Variants in PREPL observed in about 807,000 individuals in gnomAD.
PREPL encodes prolyl endopeptidase-like.
PREPL carries 77 observed loss-of-function variants against 70.6 expected under a neutral mutation model. The ratio of observed to expected loss-of-function variants is 1.09; its 90% CI spans 0.91 to 1.32. PREPL has a LOEUF of 1.32. PREPL is among the 40% of genes most tolerant of loss of function. The pLI, the probability that PREPL is intolerant of heterozygous loss-of-function variation, is 0.00. For missense variants in PREPL, 1,002 were observed against 778.2 expected, an observed-to-expected ratio of 1.29 and a Z score of -3.42; for synonymous variants, 315 against 264.8, an observed-to-expected ratio of 1.19 and a Z score of -1.84.
rs1673170089 is a variant in PREPL at position 44,323,339 on chromosome 2, A to T, written c.1552T>A (p.Trp518Arg). The change falls in exon 11 of 14, where the codon TGG becomes AGG. Residue 518 changes from tryptophan (W) to arginine (R), a missense_variant. Trp to Arg is a moderately radical substitution (Grantham distance 101, BLOSUM62 -3). Coordinates refer to ENST00000409411, the MANE Select transcript of PREPL (RefSeq NM_001171613.2). ...TTTTCATCAGATGAAGGATTCCCCC[A>T]TTCTTCTAATTCTTCTAATGTCAGA... ...LPLTLEELEE[W>R]GNPSSDEKHK... 1.9e-6 allele frequency: 3 copies of T among 1,599,190 alleles called. No homozygotes were observed. Among genetic ancestry groups the T allele is most frequent in the Non-Finnish European group, 1.7e-6 (2 of 1,166,784 alleles).
intron 5 of PREPL, among the ~76,000 whole-genome samples, chr2:44,341,877 G>C (rs929960022): frequency 6.6e-6 from 1 of 151,830 alleles, no homozygotes; most frequent in Admixed American, 6.6e-5. Flanking sequence ...ATACATTTTT[G>C]AGTTAGTTTT....
chr2:44,333,711 T>C (rs989820766), intron 7 of PREPL, among the ~76,000 whole-genome samples: 6 of 152,286 alleles, frequency 3.9e-5, no homozygotes, highest in African/African-American at 1.2e-4. Context: ...GCTTCTCACA[T>C]TGAGGGTTGT....
At chr2:44,351,369 A>C (rs1676416650) in intron 1 of PREPL, among the ~76,000 whole-genome samples, 1 of 152,142 alleles carries the variant, frequency 6.6e-6, no homozygotes, top group South Asian at 2.1e-4. Flanking sequence ...AAGGACTCCC[A>C]AATTTACAGC....
rs765953291 is a variant in PREPL, at chr2:44,339,338, T to G, written c.511A>C (p.Lys171Gln). The G allele has an allele frequency of 1.9e-6, 3 of 1,613,866 alleles. No homozygotes were observed. Among genetic ancestry groups the G allele is most frequent in the Non-Finnish European group, 2.5e-6 (3 of 1,179,960 alleles). ...TTTATGGTGAGGAAACGACTGTCTT[T>G]TGTAAGATAAAGGAAAACAAAGTAG... ...PSYFVFLYLT[K>Q]DSRFLTINIM... The change falls in exon 6 of 14, where the codon AAA becomes CAA. Residue 171 changes from lysine (K) to glutamine (Q), a missense_variant. Coordinates refer to ENST00000409411, the MANE Select transcript of PREPL (RefSeq NM_001171613.2).
In PREPL at chr2:44,317,887, C is replaced by T. The variant is rs1180480203; in HGVS notation, c.*3469G>A. 1 of 218,040 alleles carries T rather than the reference C, an allele frequency of 4.6e-6. No homozygotes were observed. Among genetic ancestry groups the T allele is most frequent in the African/African-American group, 2.4e-5 (1 of 41,870 alleles). 13.5% of individuals were successfully genotyped at this position (218,040 alleles called of 1,614,324 possible). On this transcript the variant is annotated 3_prime_UTR_variant, in exon 14 of 14. Coordinates refer to ENST00000409411, the MANE Select transcript of PREPL (RefSeq NM_001171613.2). ...ATTAGCCTATTAAAAGATAAAACCA[C>T]TCAGATAACAAAAACAGACATAAGA...
chr2:44,332,881 G>A (rs1292650995), intron 7 of PREPL, among the ~76,000 whole-genome samples: 1 of 152,078 alleles, frequency 6.6e-6, no homozygotes, highest in African/African-American at 2.4e-5. Flanking sequence ...ATAGGAAAAT[G>A]ATTTATCATG....
chr2:44,329,197 C>A (rs1407423882), intron 8 of PREPL, 85 bp from the exon 9 acceptor site: 1 of 1,117,516 alleles, frequency 8.9e-7, no homozygotes, highest in African/African-American at 1.6e-5. Flanking sequence ...TTGAGGTGCA[C>A]TGTCCCCACT....
chr2:44,343,672 T>A, intron 4 of PREPL, 73 bp downstream of exon 4: 2 of 1,401,616 alleles, frequency 1.4e-6, no homozygotes, highest in Non-Finnish European at 2.0e-6. Context: ...CTCCCTCACA[T>A]GCGACAAAAA....
chr2:44,336,828 T>C (rs936846609), intron 7 of PREPL, among the ~76,000 whole-genome samples: 14 of 152,182 alleles, frequency 9.2e-5, no homozygotes, highest in Non-Finnish European at 2.1e-4. Context: ...GACACTTACA[T>C]AGTGTTCTAA....
chr2:44,323,371 G>T lies in PREPL; in HGVS notation c.1520C>A (p.Thr507Lys), dbSNP rs773867044. Reference sequence around the variant, plus strand: ...TAATTCTTCTAATGTCAGAGGAAGTGTAGTGTCCATCATGGTGTTGAGAAC... The same window carrying T: ...TAATTCTTCTAATGTCAGAGGAAGTTTAGTGTCCATCATGGTGTTGAGAAC... ...LDVLNTMMDT[T>K]LPLTLEELEE... is the part of the protein sequence containing the mutation. The change falls in exon 11 of 14, where the codon ACA (threonine) becomes AAA (lysine). Residue 507 changes from threonine to lysine, a missense_variant. Coordinates refer to ENST00000409411, the MANE Select transcript of PREPL (RefSeq NM_001171613.2). 314 of 1,606,470 alleles carry T rather than the reference G, an allele frequency of 2.0e-4. 1 individual carries two copies. In the South Asian group the frequency reaches 2.3e-3, roughly 12 times the overall value.
chr2:44,344,722 A>G (rs1424754552), intron 2 of PREPL, 136 bp from the exon 3 acceptor site: 6 of 570,274 alleles, frequency 1.1e-5, no homozygotes, highest in Non-Finnish European at 1.8e-5. Context: ...ACACATATGA[A>G]ATATAAAATT....
At chr2:44,348,314 G>A (rs1337013393) in intron 1 of PREPL, among the ~76,000 whole-genome samples, 1 of 152,170 alleles carries the variant, frequency 6.6e-6, no homozygotes, top group Non-Finnish European at 1.5e-5. Context: ...GGTGAGACAT[G>A]ATATCTGTAT....
At chr2:44,359,067 CTTTTTTTTT>C (rs35700374) in intron 1 of PREPL, among the ~76,000 whole-genome samples, 2 of 94,494 alleles carry the variant, frequency 2.1e-5, no homozygotes, top group African/African-American at 4.1e-5. Flanking sequence ...TATGTATACA[CTTTTTTTTT>C]TTTTTTTTTT....
Position 44,319,028 on chromosome 2 carries a change from C to G in PREPL, c.*2328G>C, listed in dbSNP as rs1039227167. 1.3e-5 allele frequency: 2 copies of G among 152,184 alleles called. No individual in the cohort carries two copies. The highest frequency in any genetic ancestry group is 1.9e-4 in the East Asian group (1 of 5,204). 9.4% of individuals were successfully genotyped at this position (152,184 alleles called of 1,614,324 possible). Reference sequence around the variant, plus strand: ...TACCGGGCACTTCTTATGTGAGTGGCACTGAAACATGTGCTTTCATGCATT... The same window carrying G: ...TACCGGGCACTTCTTATGTGAGTGGGACTGAAACATGTGCTTTCATGCATT... On this transcript the variant is annotated 3_prime_UTR_variant, in exon 14 of 14. Transcript: ENST00000409411.
chr2:44,359,661 G>C (rs551860187), intron 1 of PREPL: 2 of 1,613,352 alleles, frequency 1.2e-6, no homozygotes, highest in South Asian at 2.2e-5. Context: ...CATTTTCCAA[G>C]GTGAGGAATA....
intron 6 of PREPL, 69 bp downstream of exon 6, chr2:44,339,078 G>C: frequency 6.3e-7 from 1 of 1,582,920 alleles, no homozygotes; most frequent in South Asian, 1.1e-5. Flanking sequence ...CTTGGAGCAA[G>C]AAATGTTGTT....
intron 7 of PREPL, among the ~76,000 whole-genome samples, chr2:44,333,884 G>A (rs1290624717): frequency 1.3e-5 from 2 of 152,170 alleles, no homozygotes; most frequent in East Asian, 1.9e-4. Context: ...GCCTCAGAGC[G>A]AGGGTACAAG....
At chr2:44,334,089 G>C (rs1674394141) in intron 7 of PREPL, among the ~76,000 whole-genome samples, 1 of 152,164 alleles carries the variant, frequency 6.6e-6, no homozygotes, top group South Asian at 2.1e-4. Context: ...CTGTTTCAAG[G>C]CTATGGACTT....
At chr2:44,321,658 A>T in intron 13 of PREPL, 169 bp downstream of exon 13, 1 of 1,522,866 alleles carries the variant, frequency 6.6e-7, no homozygotes, top group Non-Finnish European at 8.8e-7. Flanking sequence ...CAAGAGAGAG[A>T]CATTTCTCTT....
Sources: gnomAD v4.1 joint callset for allele counts (sites outside exome capture counted in the v4.1 genomes callset) on GRCh38, gnomAD v4.1.1 for gene constraint, MANE v1.5 for transcripts, NCBI Gene and HGNC (gene_info 2026-07-23, HGNC 2026-07-21) for gene names.